Variants in HS3ST4 observed in about 807,000 individuals in gnomAD.
HS3ST4 encodes the protein heparan sulfate glucosamine 3-O-sulfotransferase 4.
HS3ST4 carries 17 observed loss-of-function variants against 29.2 expected under a neutral mutation model. The observed-to-expected ratio is 0.58, with a 90% CI of 0.40 to 0.87. The LOEUF (loss-of-function observed/expected upper bound fraction) is 0.87. Ranked by LOEUF, HS3ST4 falls within the 40% of genes least tolerant of loss-of-function variation. The probability of loss-of-function intolerance (pLI) is 0.00; values close to 1 mark genes in which losing one functional copy is unlikely to be tolerated. For synonymous variants in HS3ST4, 314 were observed against 285.7 expected (o/e 1.10, Z -1.00); for missense variants, 627 against 634.5 (o/e 0.99, Z 0.13).
At chr16:25,902,042 C>T (rs539357170) in intron 1 of HS3ST4, among the ~76,000 whole-genome samples, 7 of 152,334 alleles carry the variant, frequency 4.6e-5, no homozygotes, top group East Asian at 3.9e-4. Context: ...ATCTCCACCA[C>T]GATATGGGTG....
intron 1 of HS3ST4, among the ~76,000 whole-genome samples, chr16:25,698,243 T>C (rs567449771): frequency 5.0e-4 from 76 of 152,286 alleles, no homozygotes; most frequent in Non-Finnish European, 8.2e-4. Flanking sequence ...ATATGAGTTA[T>C]ATTAAGTAGA....
chr16:26,036,407 T>C (rs1450921643), intron 1 of HS3ST4, among the ~76,000 whole-genome samples: 1 of 152,234 alleles, frequency 6.6e-6, no homozygotes, highest in Non-Finnish European at 1.5e-5. Context: ...GACGTGACCC[T>C]GCCCAATCTG....
intron 1 of HS3ST4, among the ~76,000 whole-genome samples, chr16:25,717,511 GT>G (rs1397344491): frequency 0.24 from 3,228 of 13,492 alleles, 127 homozygotes; most frequent in African/African-American, 0.45. Context: ...AGGTGAAGGG[GT>G]GTGTGTGTGT....
intron 1 of HS3ST4, among the ~76,000 whole-genome samples, chr16:25,794,009 G>A (rs1459179420): frequency 6.6e-6 from 1 of 151,444 alleles, no homozygotes; most frequent in Non-Finnish European, 1.5e-5. Flanking sequence ...ATATTCTTGT[G>A]CTATCTTTTA....
At chr16:26,074,580 A>T (rs1596671899) in intron 1 of HS3ST4, among the ~76,000 whole-genome samples, 2 of 152,328 alleles carry the variant, frequency 1.3e-5, no homozygotes, top group Middle Eastern at 6.8e-3. Context: ...ACTACAAATG[A>T]TGGAGTGGGA....
chr16:25,992,048 A>T (rs1178250328), intron 1 of HS3ST4, among the ~76,000 whole-genome samples: 2 of 152,108 alleles, frequency 1.3e-5, no homozygotes, highest in Non-Finnish European at 2.9e-5. Flanking sequence ...CAAACAAAAC[A>T]AAAAGAAGAA....
chr16:26,112,725 T>C (rs954707338), intron 1 of HS3ST4, among the ~76,000 whole-genome samples: 1 of 151,952 alleles, frequency 6.6e-6, no homozygotes, highest in Non-Finnish European at 1.5e-5. Flanking sequence ...GCAGATGATA[T>C]AGATATTTCA....
At chr16:26,001,150 A>C (rs149100541) in intron 1 of HS3ST4, among the ~76,000 whole-genome samples, 2 of 152,296 alleles carry the variant, frequency 1.3e-5, no homozygotes, top group Non-Finnish European at 2.9e-5. Context: ...AATTTACAAT[A>C]TTGGAATTTG....
At chr16:25,844,126 T>C (rs1350361727) in intron 1 of HS3ST4, among the ~76,000 whole-genome samples, 2 of 152,202 alleles carry the variant, frequency 1.3e-5, no homozygotes, top group Non-Finnish European at 2.9e-5. Flanking sequence ...TATTAAACAA[T>C]AAAATAAAAT....
In HS3ST4 at chr16:25,898,947, A is replaced by G. The variant is rs56037906; in HGVS notation, c.734+205796A>G. ...CTCCTAAAATGCTCTCCTATTCGCT[A>G]ACAGCAGCGTCTTATTTTGAGAAAT... On this transcript the variant is annotated intron_variant, in intron 1 of 1. Coordinates refer to ENST00000331351, the MANE Select transcript of HS3ST4 (RefSeq NM_006040.3). Among the ~76,000 whole-genome samples the G allele has an allele frequency of 3.4e-3, 517 of 152,342 alleles. 2 individuals carry two copies. The highest frequency in any genetic ancestry group is 4.8e-3 in the Non-Finnish European group (327 of 68,028).
At chr16:25,753,577 A>C (rs1966735518) in intron 1 of HS3ST4, among the ~76,000 whole-genome samples, 2 of 151,776 alleles carry the variant, frequency 1.3e-5, no homozygotes, top group Admixed American at 1.3e-4. Context: ...GAGGAAACAG[A>C]GGCTTAGCAA....
chr16:25,764,574 T>C (rs542563258), intron 1 of HS3ST4, among the ~76,000 whole-genome samples: 5 of 152,292 alleles, frequency 3.3e-5, no homozygotes, highest in African/African-American at 1.2e-4. Context: ...TGTTTGAAAA[T>C]ATCATAGTTG....
intron 1 of HS3ST4, among the ~76,000 whole-genome samples, chr16:26,116,369 G>A (rs1191940728): frequency 6.6e-6 from 1 of 152,214 alleles, no homozygotes. Flanking sequence ...GCCAAGTTCT[G>A]TTGATTCAAA....
chr16:25,925,493 G>A (rs1009804665), intron 1 of HS3ST4, among the ~76,000 whole-genome samples: 1 of 152,066 alleles, frequency 6.6e-6, no homozygotes, highest in Admixed American at 6.6e-5. Flanking sequence ...ACGCCGCGAC[G>A]CTGTTGAAAC....
At chr16:25,966,847 A>G (rs753017543) in intron 1 of HS3ST4, among the ~76,000 whole-genome samples, 2 of 152,152 alleles carry the variant, frequency 1.3e-5, no homozygotes, top group African/African-American at 2.4e-5. Flanking sequence ...TAAAAGCTCC[A>G]GTTCTGAGAT....
At chr16:26,090,573 A>T (rs904723324) in intron 1 of HS3ST4, among the ~76,000 whole-genome samples, 12 of 152,070 alleles carry the variant, frequency 7.9e-5, no homozygotes, top group African/African-American at 2.9e-4. Flanking sequence ...CCATAAAAGC[A>T]ACTAGATTCA....
intron 1 of HS3ST4, among the ~76,000 whole-genome samples, chr16:26,049,483 T>TGTG (rs1160160279): frequency 5.7e-4 from 86 of 151,882 alleles, no homozygotes; most frequent in African/African-American, 2.1e-3. Flanking sequence ...TGTGTGTGTG[T>TGTG]GTGTGTGTGT....
intron 1 of HS3ST4, among the ~76,000 whole-genome samples, chr16:26,051,547 G>C (rs1360497388): frequency 6.6e-6 from 1 of 151,972 alleles, no homozygotes; most frequent in Non-Finnish European, 1.5e-5. Flanking sequence ...TATTAAATAT[G>C]TCAAAGATCA....
intron 1 of HS3ST4, among the ~76,000 whole-genome samples, chr16:25,994,443 A>G (rs1969141879): frequency 6.6e-6 from 1 of 152,082 alleles, no homozygotes; most frequent in Non-Finnish European, 1.5e-5. Flanking sequence ...TTCATACAGT[A>G]CTGTAAAGAG....
Sources: gnomAD v4.1 joint callset for allele counts (sites outside exome capture counted in the v4.1 genomes callset) on GRCh38, gnomAD v4.1.1 for gene constraint, MANE v1.5 for transcripts, NCBI Gene and HGNC (gene_info 2026-07-23, HGNC 2026-07-21) for gene names.